Variants in SMYD4 observed in about 807,000 individuals in gnomAD.
SMYD4 encodes SET and MYND domain containing 4.
A neutral mutation model predicts 72.8 loss-of-function variants in SMYD4; 68 were observed. The ratio of observed to expected loss-of-function variants is 0.93; its 90% CI spans 0.77 to 1.14. SMYD4 has a LOEUF of 1.14. SMYD4 is among the 50% of genes most tolerant of loss of function. The pLI is 0.00. For synonymous variants in SMYD4, 407 were observed against 388.6 expected (o/e 1.05, Z -0.56); for missense variants, 984 against 1,003.7 (o/e 0.98, Z 0.27).
chr17:1,791,116 CA>C (rs56079708), intron 5 of SMYD4, among the ~76,000 whole-genome samples: 15,064 of 85,278 alleles, frequency 0.18, 900 homozygotes, highest in East Asian at 0.37. Flanking sequence ...TGGCCCGTCT[CA>C]AAAAAAAAAA....
At position 1,784,410 on chromosome 17, in the gene SMYD4, T is replaced by C; in HGVS notation, c.1936A>G (p.Ser646Gly). 1.2e-6 allele frequency: 2 copies of C among 1,614,238 alleles called. No individual in the cohort carries two copies. Among genetic ancestry groups the C allele is most frequent in the Non-Finnish European group, 1.7e-6 (2 of 1,180,044 alleles). ...GSRSCAESAV[S>G]RDHLVSRLQD... The stretch of plus-strand genomic sequence containing the variant: ...AACCGAGAGACCAGGTGGTCCCTGC[T>C]GACGGCGGATTCTGCACAAGATCTG... Residue 646 changes from serine (S) to glycine (G), a missense_variant, in exon 8 of 11, where the codon AGC (serine) becomes GGC (glycine). Physicochemically the swap from Ser to Gly is moderately conservative, Grantham distance 56 (BLOSUM62 0). Transcript: ENST00000305513.
At chr17:1,784,015 A>C (rs973856763) in intron 8 of SMYD4, among the ~76,000 whole-genome samples, 2 of 152,126 alleles carry the variant, frequency 1.3e-5, no homozygotes, top group Admixed American at 6.6e-5. Context: ...AATAAATGAC[A>C]CTCAACTTCT....
intron 2 of SMYD4, among the ~76,000 whole-genome samples, chr17:1,826,491 CAAAAAAAAA>C (rs111636314): frequency 6.8e-5 from 7 of 103,054 alleles, no homozygotes; most frequent in South Asian, 3.9e-4. Context: ...AAACTCTGTC[CAAAAAAAAA>C]AAAAAAAAAA....
chr17:1,801,240 A>ATTT (rs57801527), intron 4 of SMYD4, among the ~76,000 whole-genome samples: 110,966 of 151,504 alleles, frequency 0.73, 41,547 homozygotes, highest in Non-Finnish European at 0.8. Flanking sequence ...TTTGGATTAA[A>ATTT]TTTTTTCTTT....
chr17:1,817,908 G>T (rs1204420936), intron 2 of SMYD4, among the ~76,000 whole-genome samples: 2 of 151,874 alleles, frequency 1.3e-5, no homozygotes, highest in Non-Finnish European at 2.9e-5. Flanking sequence ...TTAGCCAGGC[G>T]TGGTGGCGGG....
At chr17:1,786,260 CG>C (rs1908684503) in intron 7 of SMYD4, among the ~76,000 whole-genome samples, 1 of 152,154 alleles carries the variant, frequency 6.6e-6, no homozygotes, top group Non-Finnish European at 1.5e-5. Context: ...CATCCTGCAT[CG>C]TAAGAGGGAA....
At chr17:1,799,615 C>G (rs150160101) in intron 5 of SMYD4, among the ~76,000 whole-genome samples, 82 of 152,070 alleles carry the variant, frequency 5.4e-4, no homozygotes, top group Middle Eastern at 3.4e-3. Flanking sequence ...ACCTTGTGAT[C>G]TGCTCACCTC....
At chr17:1,792,420 G>T (rs1404576722) in intron 5 of SMYD4, among the ~76,000 whole-genome samples, 1 of 152,044 alleles carries the variant, frequency 6.6e-6, no homozygotes, top group Non-Finnish European at 1.5e-5. Context: ...AGGCCAAGGT[G>T]GGCGGATCAC....
chr17:1,817,329 C>T lies in SMYD4; in HGVS notation c.135-5214G>A, dbSNP rs567572270. On this transcript the variant is annotated intron_variant, in intron 2 of 10. Coordinates refer to ENST00000305513, the MANE Select transcript of SMYD4 (RefSeq NM_052928.3). ...CTGGGATTACAGGCGTGAGCCACCGCGCCTGGCCTAAAACTGTTTTTTTTT... is the reference window on the plus strand; with the variant it reads ...CTGGGATTACAGGCGTGAGCCACCGTGCCTGGCCTAAAACTGTTTTTTTTT... 1.5e-3 allele frequency among the ~76,000 whole-genome samples: 233 copies of T among 152,010 alleles called. 1 individual carries two copies. The highest frequency in any genetic ancestry group is 5.3e-3 in the African/African-American group (221 of 41,464).
At chr17:1,826,491 CAAAAAAAAAAAAA>C (rs111636314) in intron 2 of SMYD4, among the ~76,000 whole-genome samples, 10 of 103,120 alleles carry the variant, frequency 9.7e-5, no homozygotes, top group South Asian at 3.9e-4. Context: ...AAACTCTGTC[CAAAAAAAAAAAAA>C]AAAAAAAAAA....
chr17:1,800,129 T>C lies in SMYD4; in HGVS notation c.1265A>G (p.Tyr422Cys). The C allele has an allele frequency of 6.2e-7, 1 of 1,610,994 alleles. No homozygotes were observed. Among genetic ancestry groups the C allele is most frequent in the Non-Finnish European group, 8.5e-7 (1 of 1,178,364 alleles). Residue 422 changes from tyrosine to cysteine, a missense_variant, in exon 5 of 11, where the codon TAT (tyrosine) becomes TGT (cysteine). Coordinates refer to ENST00000305513, the MANE Select transcript of SMYD4 (RefSeq NM_052928.3). ...CDINGKYENN[Y>C]NAVFNLLPHT... ...GGGCAAAAGGTTGAAGACAGCATTA[T>C]AATTATTTTCATACTTCCCATTAAT... is the stretch of plus-strand genomic sequence containing the variant.
intron 4 of SMYD4, among the ~76,000 whole-genome samples, chr17:1,802,827 T>C (rs1909837147): frequency 6.6e-6 from 1 of 152,140 alleles, no homozygotes; most frequent in African/African-American, 2.4e-5. Flanking sequence ...CCTAAAACAT[T>C]AATCCGATTT....
At chr17:1,812,155 G>A (rs1170408584) in intron 2 of SMYD4, 40 bp from the exon 3 acceptor site, 5 of 1,597,962 alleles carry the variant, frequency 3.1e-6, no homozygotes, top group Non-Finnish European at 4.3e-6. Flanking sequence ...GCAGAAATGT[G>A]TTATTTCAAG....
chr17:1,787,289 C>T, intron 6 of SMYD4, 133 bp downstream of exon 6: 2 of 1,216,268 alleles, frequency 1.6e-6, no homozygotes, highest in Admixed American at 2.1e-5. Context: ...TGTTTTTGGC[C>T]TAAGTGTTCA....
At chr17:1,788,331 G>A (rs1227493604) in intron 5 of SMYD4, among the ~76,000 whole-genome samples, 1 of 151,788 alleles carries the variant, frequency 6.6e-6, no homozygotes, top group Non-Finnish European at 1.5e-5. Flanking sequence ...CAGCCTGGGT[G>A]ACAGAGCAGG....
chr17:1,810,451 C>T (rs896395074), intron 3 of SMYD4, among the ~76,000 whole-genome samples: 1 of 151,998 alleles, frequency 6.6e-6, no homozygotes, highest in Non-Finnish European at 1.5e-5. Flanking sequence ...GTGGGAGGAT[C>T]GCTTGAACCC....
At chr17:1,801,704 C>T (rs1164869449) in intron 4 of SMYD4, among the ~76,000 whole-genome samples, 1 of 149,166 alleles carries the variant, frequency 6.7e-6, no homozygotes, top group African/African-American at 2.5e-5. Flanking sequence ...TGGCCGGGTG[C>T]GGTGGCTCAT....
At chr17:1,796,273 AC>A (rs1567772492) in intron 5 of SMYD4, among the ~76,000 whole-genome samples, 1 of 146,558 alleles carries the variant, frequency 6.8e-6, no homozygotes, top group Non-Finnish European at 1.5e-5. Flanking sequence ...AGCTGGGACC[AC>A]AGGCACATGC....
intron 10 of SMYD4, 162 bp from the exon 11 acceptor site, chr17:1,781,601 C>A: frequency 5.8e-6 from 4 of 694,902 alleles, no homozygotes; most frequent in Non-Finnish European, 6.6e-6. Context: ...CGCTGCAAAA[C>A]AAAAGTGTGA....
Sources: gnomAD v4.1 joint callset for allele counts (sites outside exome capture counted in the v4.1 genomes callset) on GRCh38, gnomAD v4.1.1 for gene constraint, MANE v1.5 for transcripts, NCBI Gene and HGNC (gene_info 2026-07-23, HGNC 2026-07-21) for gene names.